Variants in SOAT1 observed in about 807,000 individuals in gnomAD.
The protein encoded by SOAT1 is acyl-coenzyme A:cholesterol acyltransferase 1.
In SOAT1, 55 loss-of-function variants were observed where a neutral mutation model predicts 69.5. That is an observed-to-expected ratio of 0.79 (90% CI 0.64 to 0.99). The LOEUF (loss-of-function observed/expected upper bound fraction) is 0.99. SOAT1 is among the 50% of genes least tolerant of loss of function. SOAT1 has a pLI of 0.00. For synonymous variants in SOAT1, 231 were observed against 224.7 expected (o/e 1.03, Z -0.25); for missense variants, 580 against 669.3 (o/e 0.87, Z 1.47).
chr1:179,357,753 G>A lies in SOAT1; in HGVS notation c.*4112G>A, dbSNP rs1046907619. 1 of 152,172 alleles carries A rather than the reference G, an allele frequency of 6.6e-6. No individual in the cohort carries two copies. The highest frequency in any genetic ancestry group is 2.4e-5 in the African/African-American group (1 of 41,430). 9.4% of individuals were successfully genotyped at this position (152,172 alleles called of 1,614,324 possible). A position where few individuals can be genotyped will look rare whatever the true frequency, so the allele number is the denominator to read the frequency against. On this transcript the variant is annotated 3_prime_UTR_variant, in exon 16 of 16. Transcript: ENST00000367619. ...TATAAAAAATACAAAAATTAGCCAG[G>A]CGTGGTGGTGCACGCCTGTAGTCTC...
intron 1 of SOAT1, among the ~76,000 whole-genome samples, chr1:179,298,795 A>G (rs1664737721): frequency 6.6e-6 from 1 of 152,226 alleles, no homozygotes; most frequent in African/African-American, 2.4e-5. Flanking sequence ...GAAAAACAGA[A>G]TAGTTGTATG....
In SOAT1 at chr1:179,346,702, G is replaced by A. The variant is rs182518549; in HGVS notation, c.1118-898G>A. ...TCTTTGTTTGGAGTGGCATTCTTCT[G>A]CATTGTAGCATAAACTGTTCAGCAG... On this transcript the variant is annotated intron_variant, in intron 11 of 15. Transcript: ENST00000367619. Among the ~76,000 whole-genome samples the A allele has an allele frequency of 4.6e-5, 7 of 152,218 alleles. No homozygotes were observed. In the East Asian group the frequency reaches 1.4e-3, roughly 29 times the overall value.
intron 2 of SOAT1, among the ~76,000 whole-genome samples, chr1:179,321,944 G>A (rs1392562775): frequency 1.3e-5 from 2 of 151,180 alleles, no homozygotes; most frequent in Non-Finnish European, 2.9e-5. Context: ...GTGCAGTGGT[G>A]CGATCACGCT....
chr1:179,305,494 TG>T (rs34340524), intron 2 of SOAT1, among the ~76,000 whole-genome samples: 74,945 of 151,630 alleles, frequency 0.49, 19,538 homozygotes, highest in East Asian at 0.84. Flanking sequence ...ATATTTATTT[TG>T]GGGGGGTTAT....
At chr1:179,298,648 G>T (rs2265932) in intron 1 of SOAT1, among the ~76,000 whole-genome samples, 117,992 of 152,054 alleles carry the variant, frequency 0.78, 45,942 homozygotes, top group East Asian at 0.97. Context: ...TTTTTGGGTA[G>T]TTTTAGCCTA....
intron 3 of SOAT1, among the ~76,000 whole-genome samples, chr1:179,331,334 A>G (rs950521510): frequency 6.6e-6 from 1 of 152,206 alleles, no homozygotes; most frequent in Admixed American, 6.5e-5. Context: ...CAGGTACTAC[A>G]TTAAGTGCTG....
intron 3 of SOAT1, among the ~76,000 whole-genome samples, chr1:179,333,731 G>A (rs1349463776): frequency 6.6e-6 from 1 of 151,794 alleles, no homozygotes; most frequent in Non-Finnish European, 1.5e-5. Flanking sequence ...TACTTGGGAG[G>A]CTAAGGCAAG....
intron 8 of SOAT1, 60 bp downstream of exon 8, chr1:179,342,252 A>G: frequency 1.2e-6 from 1 of 851,470 alleles, no homozygotes; most frequent in Non-Finnish European, 1.6e-6. Flanking sequence ...CCCCCACCCC[A>G]TTCCCTTCCC....
chr1:179,321,356 G>T (rs115910064), intron 2 of SOAT1, among the ~76,000 whole-genome samples: 1 of 151,980 alleles, frequency 6.6e-6, no homozygotes, highest in African/African-American at 2.4e-5. Flanking sequence ...TTATTGTAGA[G>T]ATAGGGTCTT....
chr1:179,312,175 T>C, intron 2 of SOAT1, among the ~76,000 whole-genome samples: 1 of 152,212 alleles, frequency 6.6e-6, no homozygotes, highest in East Asian at 1.9e-4. Flanking sequence ...CATATTTTCA[T>C]TGCTGGCCTG....
At position 179,348,787 on chromosome 1, in the gene SOAT1, T is replaced by A. The variant is rs1666620751; in HGVS notation, c.1216-57T>A. On this transcript the variant is annotated intron_variant, in intron 12 of 15. Coordinates refer to ENST00000367619, the MANE Select transcript of SOAT1 (RefSeq NM_003101.6). ...GTGTGTGTGTGTGTGTGTGTGTGTG[T>A]GTGTGTGTGTGTGTGTGTGTGTGTG... is the stretch of plus-strand genomic sequence containing the variant. 3 of 334,016 alleles carry A rather than the reference T, an allele frequency of 9.0e-6. No individual in the cohort carries two copies. The African/African-American group carries it at 9.6e-5, about 11-fold the overall frequency. 20.7% of individuals were successfully genotyped at this position (334,016 alleles called of 1,614,324 possible). A position where few individuals can be genotyped will look rare whatever the true frequency, so the allele number is the denominator to read the frequency against.
At chr1:179,349,010 T>G (rs1046146067) in intron 13 of SOAT1, 68 bp downstream of exon 13, 5 of 847,124 alleles carry the variant, frequency 5.9e-6, no homozygotes, top group African/African-American at 1.7e-5. Context: ...GTATGAGTAT[T>G]ATACAGCTGG....
chr1:179,353,199 TTATATATAAA>T (rs1431242678), intron 15 of SOAT1, among the ~76,000 whole-genome samples: 1 of 11,998 alleles, frequency 8.3e-5, no homozygotes, highest in African/African-American at 2.4e-4. Context: ...TAAATGGTGG[TTATATATAAA>T]TATATATATA....
rs899618650 is a variant in SOAT1 at position 179,358,306 on chromosome 1, TACATTC to T, written c.*4671_*4676del. 1 of 152,234 alleles carries T rather than the reference TACATTC, an allele frequency of 6.6e-6. No individual in the cohort carries two copies. Among genetic ancestry groups the T allele is most frequent in the African/African-American group, 2.4e-5 (1 of 41,464 alleles). 9.4% of individuals were successfully genotyped at this position (152,234 alleles called of 1,614,324 possible). A position where few individuals can be genotyped will look rare whatever the true frequency, so the allele number is the denominator to read the frequency against. ...GCTCTCTTCCTTATTTCTACATTAC[TACATTC>T]ACATTTCTGCTGTCAATAAGCCCTA... On this transcript the variant is annotated 3_prime_UTR_variant, in exon 16 of 16. Coordinates refer to ENST00000367619, the MANE Select transcript of SOAT1 (RefSeq NM_003101.6).
chr1:179,344,825 A>G, intron 10 of SOAT1, 122 bp from the exon 11 acceptor site: 1 of 867,786 alleles, frequency 1.2e-6, no homozygotes, highest in Middle Eastern at 3.4e-4. Context: ...CTAGTGTTAA[A>G]TGGAATACAT....
In SOAT1 at chr1:179,357,263, T is replaced by C; in HGVS notation, c.*3622T>C. On this transcript the variant is annotated 3_prime_UTR_variant, in exon 16 of 16. Transcript: ENST00000367619. ...CAGTCACCAGGCTGGAGTGCAGTGC[T>C]GTGATCTCAGCTCACTGCAACCTCT... is the stretch of plus-strand genomic sequence containing the variant. 1 of 155,340 alleles carries C rather than the reference T, an allele frequency of 6.4e-6. No individual in the cohort carries two copies. Among genetic ancestry groups the C allele is most frequent in the Non-Finnish European group, 1.4e-5 (1 of 70,516 alleles). 9.6% of individuals were successfully genotyped at this position (155,340 alleles called of 1,614,324 possible).
chr1:179,304,845 A>G (rs917819975), intron 2 of SOAT1, among the ~76,000 whole-genome samples: 1 of 151,720 alleles, frequency 6.6e-6, no homozygotes, highest in African/African-American at 2.4e-5. Flanking sequence ...TTGGGGCTTC[A>G]ACATGTTGGC....
chr1:179,337,515 C>T (rs1253830708), intron 4 of SOAT1, among the ~76,000 whole-genome samples: 6 of 148,270 alleles, frequency 4.0e-5, no homozygotes, highest in East Asian at 1.9e-4. Flanking sequence ...CTGAGTGTGG[C>T]GACCTTGCCA....
intron 1 of SOAT1, among the ~76,000 whole-genome samples, chr1:179,297,536 C>G (rs944394186): frequency 1.3e-5 from 2 of 151,802 alleles, no homozygotes; most frequent in African/African-American, 4.8e-5. Context: ...GGGGTTTCAT[C>G]ATCTTGGCCA....
Sources: allele counts gnomAD v4.1 joint callset (sites outside exome capture counted in the v4.1 genomes callset), GRCh38; gene constraint gnomAD v4.1.1; transcripts MANE v1.5; gene names NCBI Gene and HGNC (gene_info 2026-07-23, HGNC 2026-07-21).